CNTN4: variants seen among roughly 807,000 people sequenced by gnomAD.
CNTN4 encodes the protein contactin 4.
Under a neutral mutation model 122.5 loss-of-function variants are expected in CNTN4, and 77 were observed. The observed-to-expected ratio is 0.63, with a 90% CI of 0.52 to 0.76. The LOEUF is 0.76. Among genes scored for constraint, CNTN4 ranks in the 30% least tolerant of loss-of-function variants. The probability of loss-of-function intolerance (pLI) is 0.00; values close to 1 mark genes in which losing one functional copy is unlikely to be tolerated. For synonymous variants in CNTN4, 512 were observed against 447.0 expected (o/e 1.15, Z -1.83); for missense variants, 1,256 against 1,259.1 (o/e 1.00, Z 0.04).
chr3:2,254,379 A>G (rs1398927463), intron 2 of CNTN4, among the ~76,000 whole-genome samples: 1 of 152,132 alleles, frequency 6.6e-6, no homozygotes, highest in Admixed American at 6.6e-5. Flanking sequence ...ATAGTAGAAT[A>G]ATGTATAATC....
intron 7 of CNTN4, among the ~76,000 whole-genome samples, chr3:2,824,563 C>T (rs1478018397): frequency 6.6e-6 from 1 of 152,214 alleles, no homozygotes; most frequent in Non-Finnish European, 1.5e-5. Flanking sequence ...AGAACTAGCC[C>T]AGGTCCAGCC....
chr3:2,554,688 A>G (rs1317304266), intron 3 of CNTN4, among the ~76,000 whole-genome samples: 8 of 152,298 alleles, frequency 5.3e-5, no homozygotes, highest in African/African-American at 1.9e-4. Context: ...GTCATAGGCA[A>G]TGCCAAAATG....
In CNTN4 at chr3:2,372,573, A is replaced by C. The variant is rs1203033215; in HGVS notation, c.-89+33340A>C. Reference sequence around the variant, plus strand: ...TCCTCTGAAAAATGTGAGTTTATAAAGGAAAGCAATGTTTCCAAGTAAATT... The same window carrying C: ...TCCTCTGAAAAATGTGAGTTTATAACGGAAAGCAATGTTTCCAAGTAAATT... On this transcript the variant is annotated intron_variant, in intron 3 of 24. Transcript: ENST00000418658. 2.6e-5 allele frequency among the ~76,000 whole-genome samples: 4 copies of C among 152,222 alleles called. No individual in the cohort carries two copies. The East Asian group carries it at 7.7e-4, about 29-fold the overall frequency.
At chr3:2,500,306 T>C (rs191647195) in intron 3 of CNTN4, among the ~76,000 whole-genome samples, 1 of 152,142 alleles carries the variant, frequency 6.6e-6, no homozygotes, top group African/African-American at 2.4e-5. Context: ...AAAATCCTTA[T>C]TATAAGTGTT....
chr3:2,251,726 CT>C (rs1317044990), intron 2 of CNTN4, among the ~76,000 whole-genome samples: 3 of 151,508 alleles, frequency 2.0e-5, no homozygotes, highest in Non-Finnish European at 4.4e-5. Context: ...TTTAGTATTA[CT>C]TCTTTTTTTT....
At chr3:2,504,009 A>G (rs1309988502) in intron 3 of CNTN4, among the ~76,000 whole-genome samples, 1 of 152,018 alleles carries the variant, frequency 6.6e-6, no homozygotes, top group African/African-American at 2.4e-5. Flanking sequence ...ATTTCAACTA[A>G]AGCTTTTCTT....
At chr3:3,011,434 A>T (rs1182839652) in intron 14 of CNTN4, among the ~76,000 whole-genome samples, 1 of 152,108 alleles carries the variant, frequency 6.6e-6, no homozygotes, top group African/African-American at 2.4e-5. Flanking sequence ...GAGTTAATGG[A>T]GGTCCTGAAA....
intron 4 of CNTN4, among the ~76,000 whole-genome samples, chr3:2,594,361 G>T (rs530222754): frequency 5.3e-5 from 8 of 150,962 alleles, no homozygotes; most frequent in Non-Finnish European, 8.8e-5. Context: ...AGATAATTTG[G>T]TACAGGATTA....
intron 3 of CNTN4, among the ~76,000 whole-genome samples, chr3:2,467,060 T>C (rs1290317963): frequency 6.6e-6 from 1 of 150,842 alleles, no homozygotes; most frequent in Non-Finnish European, 1.5e-5. Context: ...ATGCCAGTCT[T>C]GCCTTATTTA....
chr3:2,766,469 T>G (rs1212650810), intron 6 of CNTN4, among the ~76,000 whole-genome samples: 2 of 152,182 alleles, frequency 1.3e-5, no homozygotes, highest in African/African-American at 4.8e-5. Flanking sequence ...TTGGAGACGA[T>G]TATTCTAAGT....
chr3:2,909,772 G>A (rs763480736), intron 12 of CNTN4, among the ~76,000 whole-genome samples: 9 of 152,170 alleles, frequency 5.9e-5, no homozygotes, highest in Admixed American at 3.3e-4. Context: ...TTAATACACA[G>A]ATTGCTGAAC....
At chr3:2,745,840 A>G (rs2089720115) in intron 6 of CNTN4, 143 bp downstream of exon 6, 1 of 746,500 alleles carries the variant, frequency 1.3e-6, no homozygotes. Context: ...CATTTTGGAA[A>G]CAATTTTATT....
chr3:2,872,845 A>G (rs538058856), intron 8 of CNTN4, among the ~76,000 whole-genome samples: 1 of 152,298 alleles, frequency 6.6e-6, no homozygotes, highest in South Asian at 2.1e-4. Context: ...ATTATACTTC[A>G]GTATAAAATT....
At chr3:2,588,040 T>C (rs1576116206) in intron 4 of CNTN4, among the ~76,000 whole-genome samples, 1 of 152,124 alleles carries the variant, frequency 6.6e-6, no homozygotes, top group Non-Finnish European at 1.5e-5. Context: ...ACGCTCCCTG[T>C]ATTATTATTC....
intron 3 of CNTN4, among the ~76,000 whole-genome samples, chr3:2,555,048 A>G (rs995654037): frequency 9.1e-4 from 138 of 152,348 alleles, no homozygotes; most frequent in African/African-American, 3.2e-3. Flanking sequence ...CCCAGAACAC[A>G]TGTGACCTTG....
At chr3:2,120,405 A>ATTT (rs57112843) in intron 2 of CNTN4, among the ~76,000 whole-genome samples, 1,815 of 40,442 alleles carry the variant, frequency 0.045, 107 homozygotes, top group Non-Finnish European at 0.059. Context: ...ATATATATAT[A>ATTT]TTTTTTTTTT....
At chr3:2,334,047 T>G (rs531667888) in intron 2 of CNTN4, among the ~76,000 whole-genome samples, 1 of 152,220 alleles carries the variant, frequency 6.6e-6, no homozygotes, top group African/African-American at 2.4e-5. Context: ...AGTTGTTAAA[T>G]GGTAACTCTT....
intron 4 of CNTN4, among the ~76,000 whole-genome samples, chr3:2,616,809 C>T (rs772551306): frequency 5.9e-5 from 9 of 152,142 alleles, no homozygotes. Flanking sequence ...ACCAATGGAA[C>T]AGAACAGAGA....
chr3:2,434,039 G>A (rs1015480430), intron 3 of CNTN4, among the ~76,000 whole-genome samples: 1 of 152,050 alleles, frequency 6.6e-6, no homozygotes, highest in Non-Finnish European at 1.5e-5. Context: ...TGATCAAAGG[G>A]TGCAAAGTTT....
Sources: gnomAD v4.1 joint callset for allele counts (sites outside exome capture counted in the v4.1 genomes callset) on GRCh38, gnomAD v4.1.1 for gene constraint, MANE v1.5 for transcripts, NCBI Gene and HGNC (gene_info 2026-07-23, HGNC 2026-07-21) for gene names.